TTC6: variants seen among roughly 807,000 people sequenced by gnomAD.
TTC6 encodes tetratricopeptide repeat domain 6, also known as tetratricopeptide repeat protein 6.
TTC6 carries 172 observed loss-of-function variants against 210.4 expected under a neutral mutation model. The observed-to-expected ratio is 0.82, with a 90% CI of 0.72 to 0.93. The LOEUF is 0.93. TTC6 is among the 40% of genes least tolerant of loss of function. The pLI, the probability that TTC6 is intolerant of heterozygous loss-of-function variation, is 0.00. For synonymous variants in TTC6, 804 were observed against 819.6 expected (o/e 0.98, Z 0.32); for missense variants, 2,414 against 2,318.1 (o/e 1.04, Z -0.85).
intron 14 of TTC6, among the ~76,000 whole-genome samples, chr14:37,786,771 C>T (rs530516341): frequency 4.6e-5 from 7 of 152,296 alleles, no homozygotes; most frequent in African/African-American, 1.7e-4. Context: ...TTGGAACCTC[C>T]CACTATTTTT....
At chr14:37,768,745 A>T (rs2096007519) in intron 14 of TTC6, among the ~76,000 whole-genome samples, 1 of 152,188 alleles carries the variant, frequency 6.6e-6, no homozygotes, top group Non-Finnish European at 1.5e-5. Flanking sequence ...TGTCGTCTGC[A>T]AAGAAGGACA....
chr14:37,785,841 A>G (rs967484635), intron 14 of TTC6, among the ~76,000 whole-genome samples: 7 of 152,240 alleles, frequency 4.6e-5, no homozygotes, highest in African/African-American at 1.7e-4. Flanking sequence ...TTTTCCTTCT[A>G]ACAGTCAGGA....
upstream of TTC6, among the ~76,000 whole-genome samples, chr14:37,617,272 G>C (rs528595801): frequency 5.9e-4 from 90 of 152,252 alleles, no homozygotes; most frequent in Admixed American, 1.1e-3. Flanking sequence ...GGAGTATTTT[G>C]TTGTTTCATT....
At chr14:37,842,661 C>G (rs1177788140), downstream of TTC6, 1 of 147,278 alleles carries the variant, frequency 6.8e-6, no homozygotes, top group African/African-American at 2.5e-5. Context: ...TCCTTGCTGA[C>G]AATGTATTAA....
intron 13 of TTC6, 68 bp downstream of exon 15, chr14:37,751,293 AC>A: frequency 8.4e-7 from 1 of 1,189,128 alleles, no homozygotes; most frequent in Non-Finnish European, 1.1e-6. Context: ...TGCAAATAGT[AC>A]AGCAAGTTTT....
At chr14:37,762,100 C>T (rs12896798) in intron 14 of TTC6, among the ~76,000 whole-genome samples, 5,047 of 152,190 alleles carry the variant, frequency 0.033, 136 homozygotes, top group Non-Finnish European at 0.051. Flanking sequence ...GCTTATTTTG[C>T]TTAACATAAT....
At chr14:37,617,114 G>A (rs1017976900), upstream of TTC6, among the ~76,000 whole-genome samples, 2 of 152,138 alleles carry the variant, frequency 1.3e-5, no homozygotes, top group African/African-American at 2.4e-5. Context: ...GGGCTCAAGC[G>A]ATTCTCCCTT....
chr14:37,817,928 C>G (rs2096146163), intron 26 of TTC6, among the ~76,000 whole-genome samples: 1 of 152,086 alleles, frequency 6.6e-6, no homozygotes, highest in Admixed American at 6.6e-5. Flanking sequence ...TCACCTGATC[C>G]AAGCATAGGT....
chr14:37,802,243 G>A (rs562427192), intron 20 of TTC6: 2 of 152,200 alleles, frequency 1.3e-5, no homozygotes, highest in East Asian at 3.9e-4. Context: ...TAGGAAAAAG[G>A]GTGCGGGGAG....
intron 1 of TTC6, among the ~76,000 whole-genome samples, chr14:37,596,702 C>T (rs2139194987): frequency 6.6e-6 from 1 of 152,340 alleles, no homozygotes; most frequent in Admixed American, 6.5e-5. Flanking sequence ...CCTGTAGAAC[C>T]ACTAGGTTTC....
At chr14:37,756,977 C>A (rs2095969858) in intron 14 of TTC6, among the ~76,000 whole-genome samples, 1 of 152,054 alleles carries the variant, frequency 6.6e-6, no homozygotes, top group African/African-American at 2.4e-5. Context: ...TCTGCCTGGT[C>A]CTTGACTTTT....
chr14:37,739,026 C>G (rs1480344232), exon 10 of TTC6: 4 of 1,535,198 alleles, frequency 2.6e-6, no homozygotes, highest in Non-Finnish European at 3.5e-6. Flanking sequence ...ATTGAAGCGT[C>G]TAAAAAAGCT....
chr14:37,738,786 C>T, exon 10 of TTC6: 1 of 1,485,950 alleles, frequency 6.7e-7, no homozygotes. Context: ...CGAGTAAAAT[C>T]TTCTGTAGAC....
chr14:37,686,185 C>T (rs1314812626), intron 3 of TTC6, among the ~76,000 whole-genome samples: 1 of 151,976 alleles, frequency 6.6e-6, no homozygotes, highest in African/African-American at 2.4e-5. Context: ...AAGTACTGAA[C>T]TCTACTATAT....
chr14:37,607,065 T>C (rs1233088271), intron 2 of TTC6, among the ~76,000 whole-genome samples: 1 of 152,228 alleles, frequency 6.6e-6, no homozygotes, highest in African/African-American at 2.4e-5. Flanking sequence ...TATCTACCTT[T>C]AGAAAAGGAA....
intron 20 of TTC6, among the ~76,000 whole-genome samples, chr14:37,800,530 A>G (rs7144746): frequency 0.017 from 2,609 of 152,280 alleles, 71 homozygotes; most frequent in African/African-American, 0.054. Flanking sequence ...GCCGGACAAC[A>G]CTTTGCTAAG....
intron 1 of TTC6, among the ~76,000 whole-genome samples, chr14:37,627,844 G>T (rs912691210): frequency 3.9e-5 from 6 of 152,260 alleles, no homozygotes; most frequent in Admixed American, 3.3e-4. Flanking sequence ...GGTATTTCTG[G>T]TTCTAGATCC....
intron 10 of TTC6, among the ~76,000 whole-genome samples, chr14:37,747,291 T>C (rs2095938851): frequency 6.6e-6 from 1 of 152,182 alleles, no homozygotes; most frequent in Non-Finnish European, 1.5e-5. Context: ...ACTAATTACT[T>C]TGTCAGTGAA....
At chr14:37,825,268 G>A (rs2096168138) in intron 27 of TTC6, among the ~76,000 whole-genome samples, 1 of 152,100 alleles carries the variant, frequency 6.6e-6, no homozygotes. Flanking sequence ...ATCTCAATTT[G>A]CCTGATTCCT....
Sources: allele counts gnomAD v4.1 joint callset (sites outside exome capture counted in the v4.1 genomes callset), GRCh38; gene constraint gnomAD v4.1.1; transcripts MANE v1.5; gene names NCBI Gene and HGNC (gene_info 2026-07-23, HGNC 2026-07-21).